The following UTP14C variants were observed in gnomAD, a reference collection of about 807,000 sequenced individuals.
The protein encoded by UTP14C is UTP14C small subunit processome component, also known as U3 small nucleolar RNA-associated protein 14 homolog C.
UTP14C carries 10 observed loss-of-function variants against 14.6 expected under a neutral mutation model. The observed-to-expected ratio is 0.68, with a 90% confidence interval of 0.42 to 1.16. UTP14C has a LOEUF of 1.16. Among genes scored for constraint, UTP14C ranks in the 50% most tolerant of loss-of-function variants. The pLI is 0.00. For synonymous variants in UTP14C, 315 were observed against 331.6 expected (o/e 0.95, Z 0.54); for missense variants, 818 against 890.8 (o/e 0.92, Z 1.04).
rs746018813 is a variant in UTP14C, at chr13:52,028,502, GA to G, written c.-298del. The G allele has an allele frequency of 6.2e-7, 1 of 1,614,142 alleles. No homozygotes were observed. Among genetic ancestry groups the G allele is most frequent in the South Asian group, 1.1e-5 (1 of 91,084 alleles). On this transcript the variant is annotated 5_prime_UTR_variant, in exon 2 of 2. The change creates a premature stop within an existing upstream ORF in the 5' untranslated region. Coordinates refer to ENST00000521776, the MANE Select transcript of UTP14C (RefSeq NM_021645.6). The stretch of plus-strand genomic sequence containing the variant: ...TCTGCAGAAAAGAGACTCCAAATCA[GA>G]AAAAGTGCTCGTGCATCTGTAAGCA...
In UTP14C at chr13:52,030,782, GATA is replaced by G. The variant is rs751756614; in HGVS notation, c.1980_1982del (p.Asp660_Lys661delinsGlu). Reference sequence around the variant, plus strand: ...AGCCCCTGAGGGTCCTCCAAGAAAAGATAAGAATTTGCCAAATGTGATTATCAG... The same window carrying G: ...AGCCCCTGAGGGTCCTCCAAGAAAAGAGAATTTGCCAAATGTGATTATCAG... On this transcript the variant is annotated inframe_deletion, in exon 2 of 2. Coordinates refer to ENST00000521776, the MANE Select transcript of UTP14C (RefSeq NM_021645.6). 6.2e-6 allele frequency: 10 copies of G among 1,614,180 alleles called. No homozygotes were observed. Among genetic ancestry groups the G allele is most frequent in the Non-Finnish European group, 8.5e-6 (10 of 1,180,032 alleles).
chr13:52,027,137 A>T (rs879512611), intron 1 of UTP14C, among the ~76,000 whole-genome samples: 4 of 152,096 alleles, frequency 2.6e-5, no homozygotes, highest in Non-Finnish European at 5.9e-5. Flanking sequence ...CTTGAGGGAG[A>T]AGTAGAAGCA....
Position 52,032,705 on chromosome 13 carries a change from T to TAAC in UTP14C, c.*1601_*1603dup, listed in dbSNP as rs1242655719. On this transcript the variant is annotated 3_prime_UTR_variant, in exon 2 of 2. Coordinates refer to ENST00000521776, the MANE Select transcript of UTP14C (RefSeq NM_021645.6). Reference sequence around the variant, plus strand: ...CACAGGATGTTCTGACACACCATTGTAACTTTTTGTTAGAGATGATCCCAT... The same window carrying TAAC: ...CACAGGATGTTCTGACACACCATTGTAACAACTTTTTGTTAGAGATGATCCCAT... The TAAC allele has an allele frequency of 6.0e-6, 1 of 167,128 alleles. No homozygotes were observed. Among genetic ancestry groups the TAAC allele is most frequent in the Non-Finnish European group, 1.5e-5 (1 of 68,128 alleles). The allele number at this position is 167,128 out of a possible 1,614,324, so 10.4% of individuals were successfully genotyped here.
chr13:52,030,839 C>T lies in UTP14C; in HGVS notation c.2035C>T (p.His679Tyr), dbSNP rs775162408. 1.2e-6 allele frequency: 2 copies of T among 1,614,196 alleles called. No homozygotes were observed. The highest frequency in any genetic ancestry group is 1.3e-5 in the African/African-American group (1 of 75,048). ...GAAGCGCAACATCCACGCAGCAGCT[C>T]ATCAGGTACAAGTGCTTCCATATCC... ...SEKRNIHAAA[H>Y]QVQVLPYPFT... The change falls in exon 2 of 2, where the codon CAT becomes TAT. Residue 679 changes from histidine to tyrosine, a missense_variant. Physicochemically the swap from His to Tyr is moderately conservative, Grantham distance 83. Transcript: ENST00000521776.
chr13:52,030,310 G>T lies in UTP14C; in HGVS notation c.1506G>T (p.Arg502Ser). The T allele has an allele frequency of 6.2e-7, 1 of 1,614,218 alleles. No individual in the cohort carries two copies. The highest frequency in any genetic ancestry group is 8.5e-7 in the Non-Finnish European group (1 of 1,180,034). The part of the protein sequence containing the change: ...PEEAEPLLLQ[R>S]SERVQTLEEL... ...AAGCGGAACCCCTATTGCTACAGAGGTCAGAGAGAGTACAAACTCTGGAAG... is the reference window on the plus strand; with the variant it reads ...AAGCGGAACCCCTATTGCTACAGAGTTCAGAGAGAGTACAAACTCTGGAAG... The change falls in exon 2 of 2, where the codon AGG becomes AGT. Residue 502 changes from arginine to serine, a missense_variant. Arg to Ser is a moderately radical substitution (Grantham distance 110, BLOSUM62 -1). Transcript: ENST00000521776.
rs895257821 is a variant in UTP14C at position 52,028,742 on chromosome 13, G to C, written c.-63G>C. 3 of 1,610,774 alleles carry C rather than the reference G, an allele frequency of 1.9e-6. No individual in the cohort carries two copies. The highest frequency in any genetic ancestry group is 2.5e-6 in the Non-Finnish European group (3 of 1,177,622). On this transcript the variant is annotated 5_prime_UTR_variant, in exon 2 of 2. Coordinates refer to ENST00000521776, the MANE Select transcript of UTP14C (RefSeq NM_021645.6). ...TTAGAATAAAAGGAAGTGTTGAAAA[G>C]AAAATGGATGACTAGCCTTCGGCTT...
chr13:52,029,589 A>G lies in UTP14C; in HGVS notation c.785A>G (p.Lys262Arg). The change falls in exon 2 of 2, where the codon AAA becomes AGA. Residue 262 changes from lysine to arginine, a missense_variant. Coordinates refer to ENST00000521776, the MANE Select transcript of UTP14C (RefSeq NM_021645.6). ...HKVVKKGKAK[K>R]ALKEFEQLQK... ...GTCGTGAAGAAAGGAAAGGCCAAGA[A>G]AGCCTTAAAAGAGTTTGAGCAGCTA... 6.2e-7 allele frequency: 1 copy of G among 1,614,236 alleles called. No homozygotes were observed.
intron 1 of UTP14C, 126 bp downstream of exon 1, chr13:52,025,063 G>A (rs2140840896): frequency 9.1e-7 from 1 of 1,096,346 alleles, no homozygotes; most frequent in East Asian, 2.4e-5. Context: ...TCCACCAAAT[G>A]TGCTTTCCTC....
rs568324930 is a variant in UTP14C, at chr13:52,031,102, G to A, written c.2298G>A (p.Leu766=). The part of the protein sequence containing the change: ...ITTRHNKEEK[L] ...CACGTCACAATAAAGAAGAAAAACT[G>A]TAGGTTGTGTAGCTGGAGAAGTGAC... Residue 766 remains leucine, a synonymous_variant, in exon 2 of 2, where the codon CTG becomes CTA. Transcript: ENST00000521776. The A allele has an allele frequency of 2.9e-5, 46 of 1,603,050 alleles. 3 individuals carry two copies. The South Asian group carries it at 4.7e-4, about 16-fold the overall frequency.
At chr13:52,025,203 A>G (rs1454981733) in intron 1 of UTP14C, among the ~76,000 whole-genome samples, 1 of 152,220 alleles carries the variant, frequency 6.6e-6, no homozygotes, top group African/African-American at 2.4e-5. Context: ...CCCGTTTGAT[A>G]GGTGTTATTG....
In UTP14C at chr13:52,028,936, G is replaced by C. The variant is rs1464700565; in HGVS notation, c.132G>C (p.Lys44Asn). 6.2e-7 allele frequency: 1 copy of C among 1,614,118 alleles called. No homozygotes were observed. Among genetic ancestry groups the C allele is most frequent in the Non-Finnish European group, 8.5e-7 (1 of 1,180,052 alleles). ...GTGATGGAGAGAGAAAGCATCAAAA[G>C]CTTCTGGAAGCAATCATTTCCCTTG... ...GDSDGERKHQ[K>N]LLEAIISLDG... Residue 44 changes from lysine (K) to asparagine (N), a missense_variant, in exon 2 of 2, where the codon AAG becomes AAC. By Grantham distance (94) the Lys-to-Asn change is moderately conservative. Transcript: ENST00000521776.
rs1470028656 is a variant in UTP14C, at chr13:52,029,892, T to C, written c.1088T>C (p.Val363Ala). 1 of 1,614,148 alleles carries C rather than the reference T, an allele frequency of 6.2e-7. No homozygotes were observed. Among genetic ancestry groups the C allele is most frequent in the Non-Finnish European group, 8.5e-7 (1 of 1,180,030 alleles). Reference protein sequence around the residue: ...ELLVPHVANEVQMNVDGPNPW... With the variant: ...ELLVPHVANEAQMNVDGPNPW... Reference sequence around the variant, plus strand: ...CTTGTCCCTCATGTAGCGAATGAAGTGCAGATGAATGTGGACGGACCGAAT... The same window carrying C: ...CTTGTCCCTCATGTAGCGAATGAAGCGCAGATGAATGTGGACGGACCGAAT... Residue 363 changes from valine to alanine, a missense_variant, in exon 2 of 2, where the codon GTG becomes GCG. Coordinates refer to ENST00000521776, the MANE Select transcript of UTP14C (RefSeq NM_021645.6).
chr13:52,031,406 T>C lies in UTP14C; in HGVS notation c.*301T>C, dbSNP rs1954303252. 1 of 351,460 alleles carries C rather than the reference T, an allele frequency of 2.8e-6. No homozygotes were observed. Among genetic ancestry groups the C allele is most frequent in the Non-Finnish European group, 5.4e-6 (1 of 185,920 alleles). 21.8% of individuals were successfully genotyped at this position (351,460 alleles called of 1,614,324 possible). A position where few individuals can be genotyped will look rare whatever the true frequency, so the allele number is the denominator to read the frequency against. ...TTTAAACAGACTTGTTTAATCGTGT[T>C]CTCAAAGCATACAGTCAAGAGGTGG... On this transcript the variant is annotated 3_prime_UTR_variant, in exon 2 of 2. Transcript: ENST00000521776.
In UTP14C at chr13:52,031,290, G is replaced by GA. The variant is rs1954301530; in HGVS notation, c.*187dup. 1.1e-6 allele frequency: 1 copy of GA among 889,044 alleles called. No individual in the cohort carries two copies. Among genetic ancestry groups the GA allele is most frequent in the African/African-American group, 1.7e-5 (1 of 59,140 alleles). 55.1% of individuals were successfully genotyped at this position (889,044 alleles called of 1,614,324 possible). A position where few individuals can be genotyped will look rare whatever the true frequency, so the allele number is the denominator to read the frequency against. On this transcript the variant is annotated 3_prime_UTR_variant, in exon 2 of 2. Coordinates refer to ENST00000521776, the MANE Select transcript of UTP14C (RefSeq NM_021645.6). ...GCATTTTAGAATTGATCAGACATTA[G>GA]AACACAGAAAAATTCTAGTACATTT...
At chr13:52,025,769 C>T (rs1954234726) in intron 1 of UTP14C, among the ~76,000 whole-genome samples, 4 of 152,248 alleles carry the variant, frequency 2.6e-5, no homozygotes, top group Admixed American at 2.0e-4. Flanking sequence ...TTGTGCCTCA[C>T]ACTGTTAGTT....
Position 52,029,556 on chromosome 13 carries a change from A to G in UTP14C, c.752A>G (p.Tyr251Cys), listed in dbSNP as rs535940779. 8.7e-6 allele frequency: 14 copies of G among 1,614,218 alleles called. No homozygotes were observed. The African/African-American group carries it at 1.5e-4, about 17-fold the overall frequency. ...GAGAAGAAAATCAAAAGTAAAAAGTATCACAAAGTCGTGAAGAAAGGAAAG... is the reference window on the plus strand; with the variant it reads ...GAGAAGAAAATCAAAAGTAAAAAGTGTCACAAAGTCGTGAAGAAAGGAAAG... ...RKEKKIKSKK[Y>C]HKVVKKGKAK... The change falls in exon 2 of 2, where the codon TAT becomes TGT. Residue 251 changes from tyrosine (Y) to cysteine (C), a missense_variant. Coordinates refer to ENST00000521776, the MANE Select transcript of UTP14C (RefSeq NM_021645.6).
chr13:52,028,869 C>G lies in UTP14C; in HGVS notation c.65C>G (p.Pro22Arg). 1.9e-6 allele frequency: 3 copies of G among 1,614,120 alleles called. 1 individual carries two copies. In the East Asian group the frequency reaches 6.7e-5, roughly 36 times the overall value. ...LSHQEELVDLPKNYPLSENED... is the reference protein window; with the variant it reads ...LSHQEELVDLRKNYPLSENED... ...CACCAGGAAGAACTAGTGGATTTGC[C>G]AAAAAACTACCCCTTGAGTGAAAAT... Residue 22 changes from proline (P) to arginine (R), a missense_variant, in exon 2 of 2, where the codon CCA becomes CGA. Pro to Arg is a moderately radical substitution (Grantham distance 103). Coordinates refer to ENST00000521776, the MANE Select transcript of UTP14C (RefSeq NM_021645.6).
At chr13:52,028,181 A>T in intron 1 of UTP14C, 138 bp from the exon 2 acceptor site, 1 of 983,938 alleles carries the variant, frequency 1.0e-6, no homozygotes, top group Non-Finnish European at 1.5e-6. Context: ...TAGAAGTTGA[A>T]TAAGCAAATG....
At position 52,029,175 on chromosome 13, in the gene UTP14C, T is replaced by C. The variant is rs1942596824; in HGVS notation, c.371T>C (p.Ile124Thr). The change falls in exon 2 of 2, where the codon ATT becomes ACT. Residue 124 changes from isoleucine (I) to threonine (T), a missense_variant. Physicochemically the swap from Ile to Thr is moderately conservative, Grantham distance 89 (BLOSUM62 -1). Transcript: ENST00000521776. ...GAGTTACCTCTTAACAAAGAAAAAA[T>C]TGAACAGATCCACAGAGAAGTAGCA... ...VVELPLNKEK[I>T]EQIHREVAFS... 2 of 1,613,922 alleles carry C rather than the reference T, an allele frequency of 1.2e-6. No homozygotes were observed. Among genetic ancestry groups the C allele is most frequent in the Non-Finnish European group, 1.7e-6 (2 of 1,179,972 alleles).
Sources: allele counts gnomAD v4.1 joint callset (sites outside exome capture counted in the v4.1 genomes callset), GRCh38; gene constraint gnomAD v4.1.1; transcripts MANE v1.5; gene names NCBI Gene and HGNC (gene_info 2026-07-23, HGNC 2026-07-21).